Variants in MPRIP observed in about 807,000 individuals in gnomAD.
MPRIP encodes myosin phosphatase Rho-interacting protein.
MPRIP carries 59 observed loss-of-function variants against 234.9 expected under a neutral mutation model. The ratio of observed to expected loss-of-function variants is 0.25; its 90% CI spans 0.20 to 0.31. The LOEUF (loss-of-function observed/expected upper bound fraction) is 0.31, where lower values mean the gene tolerates loss of function less well. MPRIP is among the 10% of genes least tolerant of loss of function. MPRIP has a pLI of 1.00. For missense variants in MPRIP, 2,436 were observed against 3,071.0 expected (o/e 0.79, Z 4.89); for synonymous variants, 1,144 against 1,263.9 (o/e 0.91, Z 2.01).
Position 17,053,238 on chromosome 17 carries a change from T to C in MPRIP, c.123+10267T>C, listed in dbSNP as rs551368404. On this transcript the variant is annotated intron_variant, in intron 1 of 23. Transcript: ENST00000651222. Reference sequence around the variant, plus strand: ...AATTGGAATGGTGGCGAGCCCAGATTTGAGTTTCCATTCTAGCTCCATTTT... The same window carrying C: ...AATTGGAATGGTGGCGAGCCCAGATCTGAGTTTCCATTCTAGCTCCATTTT... Among the ~76,000 whole-genome samples, 33 of 152,162 alleles carry C rather than the reference T, an allele frequency of 2.2e-4. No homozygotes were observed. The South Asian group carries it at 6.6e-3, about 31-fold the overall frequency.
At position 17,142,611 on chromosome 17, in the gene MPRIP, G is replaced by A. The variant is rs758516086; in HGVS notation, c.1251-16G>A. The A allele has an allele frequency of 7.5e-6, 12 of 1,610,146 alleles. No homozygotes were observed. Among genetic ancestry groups the A allele is most frequent in the South Asian group, 1.1e-5 (1 of 90,914 alleles). ...CACCTCACTGCCACCTCAGGGCCTC[G>A]TGTCCTCTCTTGCAGGAGGTCCCAG... On this transcript the variant is annotated splice_polypyrimidine_tract_variant and intron_variant, in intron 7 of 23. Transcript: ENST00000651222.
At position 17,078,073 on chromosome 17, in the gene MPRIP, G is replaced by A; in HGVS notation, c.264G>A (p.Glu88=). The stretch of plus-strand genomic sequence containing the variant: ...GCCTCTTGCGCTACGCCCTGGATGA[G>A]ATGGTAAGTGTTATCCTTGCCCACT... ...EHGLLRYALD[E]MPTTLPQGTI... Residue 88 remains glutamate, a synonymous_variant, in exon 3 of 24, where the codon GAG becomes GAA. Coordinates refer to ENST00000651222, the MANE Select transcript of MPRIP (RefSeq NM_001364716.4). The surrounding 1 kb of genome is among the most constrained non-coding windows in gnomAD (Gnocchi z 4.3). 1 of 1,614,106 alleles carries A rather than the reference G, an allele frequency of 6.2e-7. No individual in the cohort carries two copies. The highest frequency in any genetic ancestry group is 2.2e-5 in the East Asian group (1 of 44,880).
intron 17 of MPRIP, among the ~76,000 whole-genome samples, chr17:17,172,335 G>T (rs935478652): frequency 1.3e-5 from 2 of 152,234 alleles, no homozygotes; most frequent in African/African-American, 4.8e-5. Flanking sequence ...CCACCTCAGT[G>T]GTTTGTTAAT....
rs369256400 is a variant in MPRIP at position 17,150,102 on chromosome 17, T to C, written c.1630-42T>C. Reference sequence around the variant, plus strand: ...AATTTGCTCATCTAGGCATTGGTTCTACTTCCTAAAAATCTCAAGACATTC... The same window carrying C: ...AATTTGCTCATCTAGGCATTGGTTCCACTTCCTAAAAATCTCAAGACATTC... On this transcript the variant is annotated intron_variant, in intron 11 of 23. Coordinates refer to ENST00000651222, the MANE Select transcript of MPRIP (RefSeq NM_001364716.4). The C allele has an allele frequency of 7.5e-4, 1,125 of 1,499,802 alleles. 8 individuals are homozygous for C. Among genetic ancestry groups the C allele is most frequent in the South Asian group, 4.5e-3 (392 of 87,974 alleles). 92.9% of individuals were successfully genotyped at this position (1,499,802 alleles called of 1,614,324 possible). A position where few individuals can be genotyped will look rare whatever the true frequency, so the allele number is the denominator to read the frequency against.
intron 23 of MPRIP, chr17:17,181,808 A>C (rs1450711441): frequency 2.6e-5 from 4 of 152,206 alleles, no homozygotes; most frequent in African/African-American, 9.7e-5. Context: ...CGGGCCCCTG[A>C]CAGTAACTCT....
chr17:17,191,390 G>A lies in MPRIP; in HGVS notation c.*6496G>A, dbSNP rs1038780613. The A allele has an allele frequency of 2.0e-5, 3 of 152,266 alleles. No individual in the cohort carries two copies. Among genetic ancestry groups the A allele is most frequent in the Admixed American group, 6.5e-5 (1 of 15,284 alleles). 9.4% of individuals were successfully genotyped at this position (152,266 alleles called of 1,614,324 possible). ...CAGGGCTCTGTGGAGCACTGGAGCT[G>A]TTTGGATTCCCCAGCCCTTTGGTCA... On this transcript the variant is annotated 3_prime_UTR_variant, in exon 24 of 24. Coordinates refer to ENST00000651222, the MANE Select transcript of MPRIP (RefSeq NM_001364716.4).
At chr17:17,119,243 C>T (rs1345858421) in intron 3 of MPRIP, among the ~76,000 whole-genome samples, 21 of 152,240 alleles carry the variant, frequency 1.4e-4, no homozygotes, top group Non-Finnish European at 2.2e-4. Context: ...GCACAGCCCA[C>T]CAGCCCAAGG....
rs1187983892 is a variant in MPRIP at position 17,164,620 on chromosome 17, C to T, written c.3029C>T (p.Ala1010Val). 7 of 1,218,924 alleles carry T rather than the reference C, an allele frequency of 5.7e-6. No individual in the cohort carries two copies. Among genetic ancestry groups the T allele is most frequent in the Admixed American group, 3.5e-5 (1 of 28,978 alleles). The allele number at this position is 1,218,924 out of a possible 1,614,324, so 75.5% of individuals were successfully genotyped here. The change falls in exon 16 of 24, where the codon GCG (alanine) becomes GTG (valine). Residue 1010 changes from alanine to valine, a missense_variant. Ala to Val is a moderately conservative substitution (Grantham distance 64). This residue lies in a region of MPRIP where 1,998 missense variants were observed against 2,520.3 expected (regional missense o/e 0.79). Transcript: ENST00000651222. ...CAGCAACTGGGCGCCAGTGAGCAGG[C>T]GCAGCGGCTGATGGAGGAGAAGCTG... ...LSQQLGASEQ[A>V]QRLMEEKLQR... is the part of the protein sequence containing the mutation.
chr17:17,131,284 A>G (rs2090591325), intron 4 of MPRIP, among the ~76,000 whole-genome samples: 1 of 151,996 alleles, frequency 6.6e-6, no homozygotes, highest in African/African-American at 2.4e-5. Context: ...GCTCGTCTGT[A>G]CTCTCACCAA....
intron 23 of MPRIP, among the ~76,000 whole-genome samples, 155 bp from the exon 24 acceptor site, chr17:17,184,668 C>T (rs988915955): frequency 1.3e-5 from 2 of 152,102 alleles, no homozygotes; most frequent in Admixed American, 6.5e-5. Flanking sequence ...CAGCATTTCC[C>T]GGGGACTCTC....
In MPRIP at chr17:17,085,141, C is replaced by T. The variant is rs1278455386; in HGVS notation, c.267+7065C>T. Among the ~76,000 whole-genome samples the T allele has an allele frequency of 3.3e-5, 5 of 152,114 alleles. No individual in the cohort carries two copies. In the East Asian group the frequency reaches 5.8e-4, roughly 18 times the overall value. ...TTGTGTGGTGCGTGGAGCCCAAGTA[C>T]CTTAGGGAGGGCTTGTTGGAGTGGG... On this transcript the variant is annotated intron_variant, in intron 3 of 23. Coordinates refer to ENST00000651222, the MANE Select transcript of MPRIP (RefSeq NM_001364716.4).
At position 17,138,148 on chromosome 17, in the gene MPRIP, C is replaced by T; in HGVS notation, c.969C>T (p.His323=). 7.4e-7 allele frequency: 1 copy of T among 1,354,066 alleles called. No homozygotes were observed. The allele number at this position is 1,354,066 out of a possible 1,614,324, so 83.9% of individuals were successfully genotyped here. A position where few individuals can be genotyped will look rare whatever the true frequency, so the allele number is the denominator to read the frequency against. The stretch of plus-strand genomic sequence containing the variant: ...CTTCCCCAGGTCCTCGACTCCCCCA[C>T]CAAATGGTCTGCAGCATCTCCCTCA... The part of the protein sequence containing the change: ...PLPSPGPRLP[H]QMVCSISLSS... The change falls in exon 7 of 24, where the codon CAC becomes CAT. Residue 323 remains histidine, a synonymous_variant. Coordinates refer to ENST00000651222, the MANE Select transcript of MPRIP (RefSeq NM_001364716.4). The surrounding 1 kb of genome is among the most constrained non-coding windows in gnomAD (Gnocchi z 5.8).
intron 16 of MPRIP, chr17:17,170,179 T>A (rs1439199572): frequency 6.9e-6 from 1 of 145,280 alleles, no homozygotes; most frequent in African/African-American, 2.6e-5. Context: ...CATGAAGTAT[T>A]CCATATATAT....
intron 16 of MPRIP, chr17:17,168,274 G>A (rs1464921442): frequency 1.4e-5 from 4 of 277,132 alleles, no homozygotes; most frequent in Non-Finnish European, 2.8e-5. Flanking sequence ...CCTGCCCCGG[G>A]AACCCCGTCT....
chr17:17,077,811 C>G (rs1439763280), intron 2 of MPRIP, 200 bp from the exon 3 acceptor site: 1 of 566,762 alleles, frequency 1.8e-6, no homozygotes, highest in Non-Finnish European at 3.2e-6. Context: ...TGATTTGGGC[C>G]TGTCTCCCAG....
chr17:17,053,879 T>G (rs114941720), intron 1 of MPRIP, among the ~76,000 whole-genome samples: 6,815 of 152,320 alleles, frequency 0.045, 475 homozygotes, highest in African/African-American at 0.14. Flanking sequence ...TCAGTTTGCC[T>G]TGTGTGTGTT....
chr17:17,130,622 C>T (rs777807069), intron 4 of MPRIP, among the ~76,000 whole-genome samples: 16 of 152,096 alleles, frequency 1.1e-4, no homozygotes, highest in East Asian at 1.9e-4. Flanking sequence ...GCAGGCCCAG[C>T]GTGGACCCTG....
Position 17,180,214 on chromosome 17 carries a change from A to G in MPRIP, c.7206+126A>G, listed in dbSNP as rs73979096. On this transcript the variant is annotated intron_variant, in intron 23 of 23. Transcript: ENST00000651222. ...AAGCCCCAGGGCCCAGCACTGAGCCAGCCCGAGCTCACCCTGCTGGGCTGG... is the reference window on the plus strand; with the variant it reads ...AAGCCCCAGGGCCCAGCACTGAGCCGGCCCGAGCTCACCCTGCTGGGCTGG... 14,007 of 806,784 alleles carry G rather than the reference A, an allele frequency of 0.017. 1,098 individuals carry two copies. The African/African-American group carries it at 0.19, about 11-fold the overall frequency. 50.0% of individuals were successfully genotyped at this position (806,784 alleles called of 1,614,324 possible). A position where few individuals can be genotyped will look rare whatever the true frequency, so the allele number is the denominator to read the frequency against.
At chr17:17,134,700 G>A (rs1338328548) in intron 5 of MPRIP, among the ~76,000 whole-genome samples, 1 of 152,198 alleles carries the variant, frequency 6.6e-6, no homozygotes, top group Non-Finnish European at 1.5e-5. Flanking sequence ...ACCACCCCAT[G>A]GCCTTCCTGC....
Sources: allele counts gnomAD v4.1 joint callset (sites outside exome capture counted in the v4.1 genomes callset), GRCh38; gene constraint gnomAD v4.1.1; regional missense constraint gnomAD v4.1.1; non-coding constraint Gnocchi (gnomAD v3.1); transcripts MANE v1.5; gene names NCBI Gene and HGNC (gene_info 2026-07-23, HGNC 2026-07-21).